C1orf141: variants seen among roughly 807,000 people sequenced by gnomAD.
C1orf141 encodes the protein chromosome 1 open reading frame 141.
C1orf141 carries 19 observed loss-of-function variants against 23.2 expected under a neutral mutation model. That is an observed-to-expected ratio of 0.82 (90% CI 0.57 to 1.20). The LOEUF (loss-of-function observed/expected upper bound fraction) is 1.20, where lower values mean the gene tolerates loss of function less well. Ranked by LOEUF, C1orf141 falls within the 50% of genes most tolerant of loss-of-function variation. C1orf141 has a pLI of 0.00. For missense variants in C1orf141, 469 were observed against 455.1 expected (o/e 1.03, Z -0.28); for synonymous variants, 153 against 154.6 (o/e 0.99, Z 0.08).
At chr1:67,141,397 G>A (rs932310647) in intron 1 of C1orf141, among the ~76,000 whole-genome samples, 1 of 151,706 alleles carries the variant, frequency 6.6e-6, no homozygotes, top group African/African-American at 2.4e-5. Flanking sequence ...CTTCTTGTGA[G>A]ACTGGAAAAG....
At chr1:67,140,403 T>A (rs961396358) in intron 1 of C1orf141, among the ~76,000 whole-genome samples, 3 of 152,202 alleles carry the variant, frequency 2.0e-5, no homozygotes, top group Non-Finnish European at 4.4e-5. Flanking sequence ...AAAGAATGTA[T>A]GCTGAATATA....
intron 7 of C1orf141, 126 bp from the exon 8 acceptor site, chr1:67,093,730 G>T: frequency 1.5e-6 from 1 of 646,832 alleles, no homozygotes; most frequent in Non-Finnish European, 2.4e-6. Context: ...TATTTAATAT[G>T]AACAGTAGCA....
upstream of C1orf141, among the ~76,000 whole-genome samples, chr1:67,139,859 G>T (rs777395009): frequency 6.6e-6 from 1 of 152,192 alleles, no homozygotes; most frequent in East Asian, 1.9e-4. Flanking sequence ...CCTTTAAAAG[G>T]TTCTTGGGTC....
intron 1 of C1orf141, among the ~76,000 whole-genome samples, chr1:67,133,741 T>C (rs1391172947): frequency 6.6e-6 from 1 of 152,064 alleles, no homozygotes; most frequent in Non-Finnish European, 1.5e-5. Context: ...GGAAAGTCGT[T>C]GTGAAGATTC....
chr1:67,112,072 C>T (rs1646084848), intron 5 of C1orf141, among the ~76,000 whole-genome samples: 1 of 152,106 alleles, frequency 6.6e-6, no homozygotes, highest in Non-Finnish European at 1.5e-5. Context: ...AAGTATGGTG[C>T]AGGGGTCAGG....
intron 5 of C1orf141, among the ~76,000 whole-genome samples, chr1:67,109,449 T>C (rs1646017564): frequency 6.6e-6 from 1 of 151,492 alleles, no homozygotes; most frequent in Admixed American, 6.6e-5. Context: ...ACAGGTCAAA[T>C]TTAGAACAAG....
At chr1:67,127,470 T>C (rs1646436907) in intron 2 of C1orf141, among the ~76,000 whole-genome samples, 1 of 152,182 alleles carries the variant, frequency 6.6e-6, no homozygotes, top group African/African-American at 2.4e-5. Flanking sequence ...ATAGGCCCCA[T>C]GAATTTTTAA....
intron 7 of C1orf141, 165 bp downstream of exon 7, chr1:67,095,070 T>C (rs1432021732): frequency 2.1e-6 from 1 of 485,722 alleles, no homozygotes; most frequent in African/African-American, 2.0e-5. Flanking sequence ...GGTTTGGGAG[T>C]TGTGCAAAGT....
chr1:67,120,934 A>G (rs1646287284), intron 4 of C1orf141, among the ~76,000 whole-genome samples: 1 of 152,220 alleles, frequency 6.6e-6, no homozygotes, highest in Non-Finnish European at 1.5e-5. Context: ...ATTGGAGAGT[A>G]TAGGAGTTGA....
At chr1:67,139,429 C>T (rs537333408), upstream of C1orf141, among the ~76,000 whole-genome samples, 1 of 152,300 alleles carries the variant, frequency 6.6e-6, no homozygotes, top group African/African-American at 2.4e-5. Flanking sequence ...ACCACACAGT[C>T]CACACAACAT....
intron 5 of C1orf141, among the ~76,000 whole-genome samples, chr1:67,097,486 G>C (rs912887561): frequency 2.0e-5 from 3 of 152,244 alleles, no homozygotes; most frequent in Admixed American, 6.5e-5. Context: ...AAAGAGGCCA[G>C]TGTTGCTTGG....
intron 5 of C1orf141, chr1:67,111,655 A>C: frequency 7.9e-7 from 1 of 1,267,134 alleles, no homozygotes. Flanking sequence ...CTAAAGAAAC[A>C]AACATAAGTA....
intron 5 of C1orf141, chr1:67,113,779 A>G (rs1646131211): frequency 8.9e-7 from 1 of 1,121,814 alleles, no homozygotes. Context: ...AGGAAAGAAA[A>G]TGGATTAGAG....
At chr1:67,110,535 G>A (rs981625398) in intron 5 of C1orf141, among the ~76,000 whole-genome samples, 10 of 152,214 alleles carry the variant, frequency 6.6e-5, no homozygotes, top group African/African-American at 2.2e-4. Flanking sequence ...AAACTTGGTT[G>A]CTTCTGAAAA....
At chr1:67,136,549 A>G (rs1646587114), upstream of C1orf141, among the ~76,000 whole-genome samples, 1 of 152,248 alleles carries the variant, frequency 6.6e-6, no homozygotes, top group African/African-American at 2.4e-5. Context: ...ATCTTCAGTC[A>G]ATAAAATTTG....
Position 67,125,913 on chromosome 1 carries a change from C to T in C1orf141, c.76-4G>A, listed in dbSNP as rs1163031627. On this transcript the variant is annotated splice_region_variant and splice_polypyrimidine_tract_variant and intron_variant, in intron 3 of 7. Coordinates refer to ENST00000684719, the MANE Select transcript of C1orf141 (RefSeq NM_001276351.2). ...CTTCACTCTGAAGCCTGTTTATCTG[C>T]AGCAATGCCAAAGTGAAAAAAAAAA... is the stretch of plus-strand genomic sequence containing the variant. 7.0e-7 allele frequency: 1 copy of T among 1,437,716 alleles called. No homozygotes were observed. Among genetic ancestry groups the T allele is most frequent in the East Asian group, 2.6e-5 (1 of 39,176 alleles). The allele number at this position is 1,437,716 out of a possible 1,614,324, so 89.1% of individuals were successfully genotyped here. A position where few individuals can be genotyped will look rare whatever the true frequency, so the allele number is the denominator to read the frequency against.
chr1:67,127,573 T>A (rs1374917135), intron 2 of C1orf141, among the ~76,000 whole-genome samples: 1 of 152,198 alleles, frequency 6.6e-6, no homozygotes, highest in African/African-American at 2.4e-5. Flanking sequence ...GCTTGACTTA[T>A]ATCTATTTTC....
rs1645680573 is a variant in C1orf141 at position 67,096,338 on chromosome 1, T to C, written c.347-17A>G. The C allele has an allele frequency of 3.7e-6, 5 of 1,342,776 alleles. No individual in the cohort carries two copies. Among genetic ancestry groups the C allele is most frequent in the Non-Finnish European group, 5.2e-6 (5 of 959,122 alleles). 83.2% of individuals were successfully genotyped at this position (1,342,776 alleles called of 1,614,324 possible). On this transcript the variant is annotated splice_polypyrimidine_tract_variant and intron_variant, in intron 5 of 7. Transcript: ENST00000684719. ...CAATTTGAGCTGAAATTTTAAAAGA[T>C]TTTCATAAAAGACACATAGATATTC...
intron 7 of C1orf141, chr1:67,094,263 GCAATC>G (rs796532896): frequency 3.9e-5 from 6 of 152,310 alleles, no homozygotes; most frequent in African/African-American, 1.4e-4. Flanking sequence ...ATCTAGTTTT[GCAATC>G]CACTGGTGAT....
Sources: gnomAD v4.1 joint callset for allele counts (sites outside exome capture counted in the v4.1 genomes callset) on GRCh38, gnomAD v4.1.1 for gene constraint, MANE v1.5 for transcripts, NCBI Gene and HGNC (gene_info 2026-07-23, HGNC 2026-07-21) for gene names.